Variants in RIPOR3 observed in about 807,000 individuals in gnomAD.
RIPOR3 encodes family with sequence similarity 65 member C.
Under a neutral mutation model 114.3 loss-of-function variants are expected in RIPOR3, and 95 were observed. The ratio of observed to expected loss-of-function variants is 0.83; its 90% CI spans 0.70 to 0.99. RIPOR3 has a LOEUF of 0.99. Ranked by LOEUF, RIPOR3 falls within the 50% of genes least tolerant of loss-of-function variation. RIPOR3 has a pLI of 0.00. For missense variants in RIPOR3, 1,252 were observed against 1,266.9 expected, an observed-to-expected ratio of 0.99 and a Z score of 0.18; for synonymous variants, 575 against 543.8, an observed-to-expected ratio of 1.06 and a Z score of -0.80.
chr20:50,656,219 G>T (rs1291803201), intron 1 of RIPOR3, among the ~76,000 whole-genome samples: 2 of 151,776 alleles, frequency 1.3e-5, no homozygotes, highest in Non-Finnish European at 2.9e-5. Flanking sequence ...TGTTGGCCAG[G>T]CTGTCCTTTC....
chr20:50,608,822 G>A, intron 9 of RIPOR3, 84 bp from the exon 10 acceptor site: 1 of 1,612,230 alleles, frequency 6.2e-7, no homozygotes. Context: ...GCCAGGCAGA[G>A]CCCCAGCTGC....
At chr20:50,640,029 G>A (rs13040861) in intron 1 of RIPOR3, among the ~76,000 whole-genome samples, 18,975 of 143,816 alleles carry the variant, frequency 0.13, 847 homozygotes, top group African/African-American at 0.18. Context: ...CCGTATGGTG[G>A]CTTAGGCATA....
chr20:50,687,628 G>A (rs894845864), intron 1 of RIPOR3, among the ~76,000 whole-genome samples: 3 of 152,180 alleles, frequency 2.0e-5, no homozygotes, highest in Non-Finnish European at 2.9e-5. Flanking sequence ...TAGGCTGGGC[G>A]CAGTGGCTCG....
chr20:50,654,359 G>T (rs568933442), intron 1 of RIPOR3, among the ~76,000 whole-genome samples: 45 of 147,178 alleles, frequency 3.1e-4, no homozygotes, highest in African/African-American at 1.0e-3. Flanking sequence ...TAGAGATGGG[G>T]TTTCACTCCG....
At chr20:50,633,656 C>A (rs535800655) in intron 1 of RIPOR3, among the ~76,000 whole-genome samples, 26 of 152,328 alleles carry the variant, frequency 1.7e-4, no homozygotes, top group African/African-American at 6.0e-4. Flanking sequence ...CATCAGAAGC[C>A]TTCTGGGCCG....
At chr20:50,673,338 G>C (rs1004318211) in intron 1 of RIPOR3, among the ~76,000 whole-genome samples, 1 of 152,172 alleles carries the variant, frequency 6.6e-6, no homozygotes, top group Admixed American at 6.5e-5. Flanking sequence ...TGGTCAGTGA[G>C]GGAGGTAGGA....
intron 19 of RIPOR3, among the ~76,000 whole-genome samples, chr20:50,591,560 A>G (rs550005075): frequency 6.6e-6 from 1 of 152,336 alleles, no homozygotes; most frequent in Admixed American, 6.5e-5. Flanking sequence ...AAGAAGGGCT[A>G]TTGGCAATGG....
intron 1 of RIPOR3, among the ~76,000 whole-genome samples, chr20:50,652,601 AAAAAAAAAAAAAG>A (rs1173657536): frequency 6.6e-6 from 1 of 150,686 alleles, no homozygotes; most frequent in Non-Finnish European, 1.5e-5. Flanking sequence ...AAAAAAAAAA[AAAAAAAAAAAAAG>A]AAAAGAAAAG....
chr20:50,674,327 C>T (rs192074750), intron 1 of RIPOR3, among the ~76,000 whole-genome samples: 1 of 152,030 alleles, frequency 6.6e-6, no homozygotes, highest in East Asian at 1.9e-4. Flanking sequence ...ATCAGCTCAC[C>T]TCTCTGGCCC....
In RIPOR3 at chr20:50,610,030, ACCTGCCACCCCTGCCTCC is replaced by A. The variant is rs1568854891; in HGVS notation, c.427-326_427-309del. Among the ~76,000 whole-genome samples the A allele has an allele frequency of 1.0e-3, 31 of 29,580 alleles. 2 individuals carry two copies. The South Asian group carries it at 0.023, about 22-fold the overall frequency. The allele number at this position is 29,580 out of a possible 152,430, so 19.4% of individuals were successfully genotyped here. On this transcript the variant is annotated intron_variant, in intron 6 of 21. Transcript: ENST00000327979. ...CTGCCTCACCTGCCACCCCTGCCTCACCTGCCACCCCTGCCTCCCCTGCCTCCCCTGCCACCCCTGCCT... is the reference window on the plus strand; with the variant it reads ...CTGCCTCACCTGCCACCCCTGCCTCACCTGCCTCCCCTGCCACCCCTGCCT...
chr20:50,639,842 A>C (rs1284839828), intron 1 of RIPOR3, among the ~76,000 whole-genome samples: 4 of 152,014 alleles, frequency 2.6e-5, no homozygotes, highest in African/African-American at 9.7e-5. Flanking sequence ...GGAATTGGTT[A>C]TGGGAGGGTC....
intron 1 of RIPOR3, among the ~76,000 whole-genome samples, chr20:50,677,576 T>G (rs2123579023): frequency 6.6e-6 from 1 of 152,100 alleles, no homozygotes; most frequent in African/African-American, 2.4e-5. Context: ...TTCACCATGT[T>G]GGTTAGGCTG....
intron 4 of RIPOR3, 53 bp downstream of exon 4, chr20:50,615,949 T>C: frequency 6.5e-7 from 1 of 1,537,494 alleles, no homozygotes; most frequent in East Asian, 2.3e-5. Flanking sequence ...GGGTTCATCT[T>C]TTACTCCTGG....
At position 50,606,534 on chromosome 20, in the gene RIPOR3, G is replaced by A. The variant is rs565213179; in HGVS notation, c.957-1760C>T. Among the ~76,000 whole-genome samples, 128 of 152,238 alleles carry A rather than the reference G, an allele frequency of 8.4e-4. No homozygotes were observed. The Middle Eastern group carries it at 0.01, about 12-fold the overall frequency. Reference sequence around the variant, plus strand: ...GAGGGTGTATGGATGGGCCGCTGGCGAAACAGGGACCATCCCTCTATCTGC... The same window carrying A: ...GAGGGTGTATGGATGGGCCGCTGGCAAAACAGGGACCATCCCTCTATCTGC... On this transcript the variant is annotated intron_variant, in intron 11 of 21. Transcript: ENST00000327979.
At chr20:50,651,227 G>C (rs532305217) in intron 1 of RIPOR3, among the ~76,000 whole-genome samples, 19 of 152,160 alleles carry the variant, frequency 1.2e-4, no homozygotes, top group Non-Finnish European at 2.4e-4. Flanking sequence ...CAGCCCCCCA[G>C]TGACAGCTAG....
chr20:50,660,285 T>C (rs539884755), intron 1 of RIPOR3: 3 of 152,224 alleles, frequency 2.0e-5, no homozygotes, highest in Non-Finnish European at 4.4e-5. Flanking sequence ...AAAAGAGACT[T>C]ATTTCATTTT....
chr20:50,626,795 G>A (rs778664372), intron 2 of RIPOR3, among the ~76,000 whole-genome samples: 1 of 152,216 alleles, frequency 6.6e-6, no homozygotes, highest in East Asian at 1.9e-4. Flanking sequence ...GCCGAGGTGG[G>A]TGGATCACCT....
chr20:50,625,447 G>A (rs180752821), intron 2 of RIPOR3, among the ~76,000 whole-genome samples: 11 of 152,326 alleles, frequency 7.2e-5, no homozygotes, highest in South Asian at 2.1e-4. Flanking sequence ...CCCTGGTACC[G>A]TCCAGGAAAC....
intron 4 of RIPOR3, among the ~76,000 whole-genome samples, chr20:50,613,119 T>C (rs2084032190): frequency 6.6e-6 from 1 of 151,818 alleles, no homozygotes; most frequent in Non-Finnish European, 1.5e-5. Flanking sequence ...TAAAATCTTT[T>C]TAAAATTAAG....
Sources: allele counts gnomAD v4.1 joint callset (sites outside exome capture counted in the v4.1 genomes callset), GRCh38; gene constraint gnomAD v4.1.1; transcripts MANE v1.5; gene names NCBI Gene and HGNC (gene_info 2026-07-23, HGNC 2026-07-21).